Variants in OLFM2 observed in about 807,000 individuals in gnomAD.
OLFM2 encodes the protein noelin-2.
In OLFM2, 20 loss-of-function variants were observed where a neutral mutation model predicts 43.9. That is an observed-to-expected ratio of 0.46 (90% CI 0.32 to 0.66). OLFM2 has a LOEUF of 0.66. Among genes scored for constraint, OLFM2 ranks in the 30% least tolerant of loss-of-function variants. The pLI is 0.04. For synonymous variants in OLFM2, 268 were observed against 278.6 expected (o/e 0.96, Z 0.38); for missense variants, 416 against 643.6 (o/e 0.65, Z 3.83).
intron 2 of OLFM2, among the ~76,000 whole-genome samples, chr19:9,859,044 A>G (rs2046346348): frequency 1.3e-5 from 2 of 152,164 alleles, no homozygotes; most frequent in African/African-American, 2.4e-5. Flanking sequence ...GCTTCACCTG[A>G]CTAAAGTGGA....
chr19:9,935,759 A>C (rs2086511048), intron 1 of OLFM2, among the ~76,000 whole-genome samples: 3 of 149,432 alleles, frequency 2.0e-5, no homozygotes. Flanking sequence ...CCCAACCGCC[A>C]CACACACAAA....
At chr19:9,906,208 C>T (rs890766413) in intron 1 of OLFM2, among the ~76,000 whole-genome samples, 3 of 152,068 alleles carry the variant, frequency 2.0e-5, no homozygotes, top group African/African-American at 7.2e-5. Context: ...GGGGAGAAGG[C>T]TGTTATAAAT....
chr19:9,855,385 C>G (rs1302748860), intron 5 of OLFM2, among the ~76,000 whole-genome samples: 9 of 151,628 alleles, frequency 5.9e-5, no homozygotes, highest in Non-Finnish European at 1.0e-4. Flanking sequence ...GGATTACAGG[C>G]GCATCCCACC....
intron 1 of OLFM2, among the ~76,000 whole-genome samples, chr19:9,900,086 T>C (rs1316256191): frequency 6.6e-6 from 1 of 152,016 alleles, no homozygotes; most frequent in Non-Finnish European, 1.5e-5. Flanking sequence ...GCCCCAGCTA[T>C]TGGGTTTTGT....
chr19:9,859,464 A>C (rs955602753), intron 2 of OLFM2, among the ~76,000 whole-genome samples: 1 of 152,066 alleles, frequency 6.6e-6, no homozygotes, highest in South Asian at 2.1e-4. Context: ...CTACAGGCAC[A>C]CACCACCACG....
chr19:9,876,329 C>T (rs907676688), intron 1 of OLFM2, among the ~76,000 whole-genome samples: 2 of 152,130 alleles, frequency 1.3e-5, no homozygotes, highest in African/African-American at 2.4e-5. Context: ...CATTTCACAC[C>T]GATAGCCAGG....
chr19:9,870,496 G>T (rs1194070627), intron 1 of OLFM2, among the ~76,000 whole-genome samples: 1 of 152,192 alleles, frequency 6.6e-6, no homozygotes, highest in African/African-American at 2.4e-5. Flanking sequence ...CAGCAGGGGA[G>T]CCAAGGTCCT....
chr19:9,925,812 T>C (rs970846319), intron 1 of OLFM2, among the ~76,000 whole-genome samples: 20 of 151,276 alleles, frequency 1.3e-4, no homozygotes, highest in African/African-American at 4.6e-4. Flanking sequence ...CCCGTGATCA[T>C]AGCAGTATTA....
intron 1 of OLFM2, among the ~76,000 whole-genome samples, chr19:9,865,170 T>A (rs1418897525): frequency 4.9e-5 from 2 of 40,684 alleles, no homozygotes; most frequent in Non-Finnish European, 1.4e-4. Flanking sequence ...CTTCTCCTCT[T>A]TTTTTTTTTT....
Position 9,857,734 on chromosome 19 carries a change from A to G in OLFM2, c.341T>C (p.Leu114Pro). Residue 114 changes from leucine (L) to proline (P), a missense_variant, in exon 3 of 6, where the codon CTC becomes CCC. Coordinates refer to ENST00000264833, the MANE Select transcript of OLFM2 (RefSeq NM_058164.4). This position sits in a 1 kb window ranked among gnomAD's most constrained non-coding sequence, Gnocchi z 5.7. ...DARLRAADGS[L>P]SAKSFQELKD... ...ACCCACCTGGAAGCTCTTGGCCGAGAGGGACCCATCAGCTGCCCGGAGCCG... is the reference window on the plus strand; with the variant it reads ...ACCCACCTGGAAGCTCTTGGCCGAGGGGGACCCATCAGCTGCCCGGAGCCG... 5 of 1,614,136 alleles carry G rather than the reference A, an allele frequency of 3.1e-6. No homozygotes were observed. Among genetic ancestry groups the G allele is most frequent in the Non-Finnish European group, 4.2e-6 (5 of 1,180,012 alleles).
chr19:9,855,085 A>G (rs1470840224), intron 5 of OLFM2, among the ~76,000 whole-genome samples: 3 of 152,054 alleles, frequency 2.0e-5, no homozygotes, highest in Admixed American at 6.5e-5. Flanking sequence ...TTATCACTCA[A>G]TGGCTGTCCA....
chr19:9,900,988 A>AAGGGAGGGAGGG (rs1555727272), intron 1 of OLFM2, among the ~76,000 whole-genome samples: 52 of 28,396 alleles, frequency 1.8e-3, no homozygotes, highest in African/African-American at 5.1e-3. Flanking sequence ...GGAAGGAAGG[A>AAGGGAGGGAGGG]AGGGAGGGAG....
chr19:9,895,608 G>A (rs2046676818), intron 1 of OLFM2, among the ~76,000 whole-genome samples: 1 of 151,942 alleles, frequency 6.6e-6, no homozygotes, highest in South Asian at 2.1e-4. Flanking sequence ...CTACACATGG[G>A]AGCTTCTGGG....
chr19:9,856,782 C>A lies in OLFM2; in HGVS notation c.687+25G>T. ...GGCTCTGTCCCTCCCAGGCCCTGAC[C>A]CCAGGGGTGGGCGCAGTCACTCACC... On this transcript the variant is annotated intron_variant, in intron 5 of 5. Coordinates refer to ENST00000264833, the MANE Select transcript of OLFM2 (RefSeq NM_058164.4). The surrounding 1 kb of genome is among the most constrained non-coding windows in gnomAD (Gnocchi z 4.0). The A allele has an allele frequency of 6.3e-7, 1 of 1,594,196 alleles. No homozygotes were observed. The highest frequency in any genetic ancestry group is 8.6e-7 in the Non-Finnish European group (1 of 1,165,238).
chr19:9,926,632 A>G (rs988439637), intron 1 of OLFM2, among the ~76,000 whole-genome samples: 3 of 152,158 alleles, frequency 2.0e-5, no homozygotes, highest in Non-Finnish European at 2.9e-5. Flanking sequence ...AAAAATTTTT[A>G]AAGTCTTCCA....
chr19:9,892,248 T>C (rs1263153978), intron 1 of OLFM2, among the ~76,000 whole-genome samples: 9 of 152,068 alleles, frequency 5.9e-5, no homozygotes, highest in Non-Finnish European at 8.8e-5. Context: ...GGATATGTGA[T>C]ACCCTGGGTG....
At chr19:9,928,803 TAAA>T (rs78229608) in intron 1 of OLFM2, among the ~76,000 whole-genome samples, 1 of 137,208 alleles carries the variant, frequency 7.3e-6, no homozygotes, top group African/African-American at 2.7e-5. Flanking sequence ...AGACTCTGTC[TAAA>T]AAAAAAAAAA....
At chr19:9,934,756 G>A (rs1388164826) in intron 1 of OLFM2, among the ~76,000 whole-genome samples, 1 of 152,160 alleles carries the variant, frequency 6.6e-6, no homozygotes, top group East Asian at 1.9e-4. Context: ...GCGCGTGGGT[G>A]CTGAGATGCG....
intron 1 of OLFM2, among the ~76,000 whole-genome samples, chr19:9,900,020 AAT>A (rs2144975173): frequency 6.6e-6 from 1 of 152,204 alleles, no homozygotes; most frequent in South Asian, 2.1e-4. Context: ...GTGCATAATA[AAT>A]ATCTGTTGAC....
Sources: allele counts gnomAD v4.1 joint callset (sites outside exome capture counted in the v4.1 genomes callset), GRCh38; gene constraint gnomAD v4.1.1; non-coding constraint Gnocchi (gnomAD v3.1); transcripts MANE v1.5; gene names NCBI Gene and HGNC (gene_info 2026-07-23, HGNC 2026-07-21).